The following ACOT9 variants were observed in gnomAD, a reference collection of about 807,000 sequenced individuals.
The protein encoded by ACOT9 is acyl-coenzyme A thioesterase 9, mitochondrial.
In ACOT9, 34 loss-of-function variants were observed where a neutral mutation model predicts 39.7. The ratio of observed to expected loss-of-function variants is 0.86; its 90% confidence interval spans 0.65 to 1.14. The LOEUF is 1.14. Among genes scored for constraint, ACOT9 ranks in the 50% most tolerant of loss-of-function variants. The pLI, the probability that ACOT9 is intolerant of heterozygous loss-of-function variation, is 0.00. For missense variants in ACOT9, 313 were observed against 344.1 expected (o/e 0.91, Z 0.71); for synonymous variants, 110 against 120.5 (o/e 0.91, Z 0.57).
chrX:23,741,309 C>A (rs1920961542), intron 1 of ACOT9, among the ~76,000 whole-genome samples: 1 of 106,040 alleles, frequency 9.4e-6, no homozygotes, highest in Non-Finnish European at 1.9e-5. Context: ...AGCAATTTCT[C>A]TTCTGGACAT....
intron 8 of ACOT9, among the ~76,000 whole-genome samples, chrX:23,713,747 G>C (rs759942581): frequency 5.5e-5 from 6 of 110,081 alleles, no homozygotes; most frequent in Non-Finnish European, 1.1e-4. Context: ...AAGTCCAATC[G>C]GGGGCTGGGC....
chrX:23,740,933 G>C (rs1242496527), intron 1 of ACOT9, among the ~76,000 whole-genome samples: 1 of 109,465 alleles, frequency 9.1e-6, no homozygotes, highest in Non-Finnish European at 1.9e-5. Flanking sequence ...CCAGGACCTT[G>C]TAACTGAACC....
chrX:23,735,089 G>A (rs1343341709), intron 2 of ACOT9, among the ~76,000 whole-genome samples: 1 of 104,868 alleles, frequency 9.5e-6, no homozygotes, highest in Non-Finnish European at 1.9e-5. Flanking sequence ...CCTGGCCAAC[G>A]TGGCGAAACT....
At chrX:23,731,385 G>A (rs766559465) in intron 4 of ACOT9, among the ~76,000 whole-genome samples, 1 of 108,448 alleles carries the variant, frequency 9.2e-6, no homozygotes, top group South Asian at 4.1e-4. Context: ...GCTGAGGCAG[G>A]AGAATTGCTT....
intron 8 of ACOT9, among the ~76,000 whole-genome samples, chrX:23,715,247 T>C (rs1889946540): frequency 8.9e-6 from 1 of 111,889 alleles, no homozygotes; most frequent in African/African-American, 3.2e-5. Flanking sequence ...CCTGCACCTT[T>C]TTCTCTAGCC....
At chrX:23,743,051 C>T in intron 1 of ACOT9, 74 bp downstream of exon 1, 2 of 1,078,879 alleles carry the variant, frequency 1.9e-6, no homozygotes, top group Non-Finnish European at 1.2e-6. Context: ...CCGGGGCCAG[C>T]CCGAAGCTCT....
intron 8 of ACOT9, among the ~76,000 whole-genome samples, chrX:23,716,360 T>C (rs1249791278): frequency 1.8e-5 from 2 of 112,486 alleles, no homozygotes; most frequent in East Asian, 5.6e-4. Flanking sequence ...GGATTTGGAA[T>C]GTTTGCATTC....
intron 6 of ACOT9, among the ~76,000 whole-genome samples, chrX:23,725,644 T>G (rs920026394): frequency 9.5e-6 from 1 of 105,635 alleles, no homozygotes; most frequent in Non-Finnish European, 1.9e-5. Flanking sequence ...ATGGCAGACC[T>G]TGTCTCTACT....
intron 1 of ACOT9, among the ~76,000 whole-genome samples, chrX:23,736,937 G>A (rs1440723474): frequency 8.9e-6 from 1 of 112,267 alleles, no homozygotes; most frequent in Non-Finnish European, 1.9e-5. Context: ...TATTATGTCA[G>A]GGGTAGCACA....
intron 10 of ACOT9, 38 bp from the exon 11 acceptor site, chrX:23,706,777 G>A (rs1273273233): frequency 3.5e-6 from 3 of 861,159 alleles, no homozygotes; most frequent in Non-Finnish European, 5.0e-6. Context: ...GATCAGGACG[G>A]TCGCACTACA....
intron 1 of ACOT9, among the ~76,000 whole-genome samples, chrX:23,742,005 G>C (rs750458829): frequency 9.0e-6 from 1 of 110,696 alleles, no homozygotes; most frequent in East Asian, 2.8e-4. Flanking sequence ...GGAACACAGG[G>C]TTATAAGAGA....
At chrX:23,740,074 T>C (rs745979333) in intron 1 of ACOT9, among the ~76,000 whole-genome samples, 2 of 109,902 alleles carry the variant, frequency 1.8e-5, no homozygotes, top group Non-Finnish European at 3.8e-5. Flanking sequence ...ATCTATATCA[T>C]ACTGTCAACA....
chrX:23,704,282 T>C (rs1045996121), intron 15 of ACOT9, among the ~76,000 whole-genome samples: 11 of 104,331 alleles, frequency 1.1e-4, no homozygotes, highest in Non-Finnish European at 2.1e-4. Flanking sequence ...GCCATTCTCC[T>C]GCCTCAGCCT....
intron 1 of ACOT9, among the ~76,000 whole-genome samples, chrX:23,736,990 G>A (rs1235522439): frequency 1.8e-5 from 2 of 111,358 alleles, no homozygotes; most frequent in Admixed American, 9.7e-5. Context: ...TGAGAGCACA[G>A]TTGAAGAAGG....
chrX:23,706,558 CAAAAAAA>C, intron 11 of ACOT9, 63 bp downstream of exon 11: 25 of 263,655 alleles, frequency 9.5e-5, no homozygotes, highest in East Asian at 2.1e-4. Context: ...AACTCCGTCT[CAAAAAAA>C]AAAAAAAAAA....
At position 23,703,187 on chromosome X, in the gene ACOT9, T is replaced by C. The variant is rs1477579655; in HGVS notation, c.*707A>G. 2.7e-5 allele frequency: 3 copies of C among 111,982 alleles called. No homozygotes were observed. Among genetic ancestry groups the C allele is most frequent in the Non-Finnish European group, 5.6e-5 (3 of 53,257 alleles). 9.2% of individuals were successfully genotyped at this position (111,982 alleles called of 1,213,427 possible). On this transcript the variant is annotated 3_prime_UTR_variant, in exon 16 of 16. Transcript: ENST00000379303. ...GGGAAGCAAAGGAATCATGTACGGC[T>C]GATGGGATTTAGACAGCACAGAGCA...
intron 9 of ACOT9, among the ~76,000 whole-genome samples, chrX:23,711,349 AAG>A (rs1298797781): frequency 8.9e-6 from 1 of 112,249 alleles, no homozygotes; most frequent in Non-Finnish European, 1.9e-5. Flanking sequence ...GAAAAAAAAA[AAG>A]AAATTTAAAA....
At chrX:23,731,369 T>C (rs1929742021) in intron 4 of ACOT9, among the ~76,000 whole-genome samples, 1 of 107,981 alleles carries the variant, frequency 9.3e-6, no homozygotes, top group South Asian at 4.0e-4. Flanking sequence ...CCCAGCTACT[T>C]GGTAGGCTGA....
Position 23,703,692 on chromosome X carries a change from T to A in ACOT9, c.*202A>T. 5 of 348,177 alleles carry A rather than the reference T, an allele frequency of 1.4e-5. No homozygotes were observed. The South Asian group carries it at 1.9e-4, about 13-fold the overall frequency. The allele number at this position is 348,177 out of a possible 1,213,427, so 28.7% of individuals were successfully genotyped here. On this transcript the variant is annotated 3_prime_UTR_variant, in exon 16 of 16. Transcript: ENST00000379303. ...ACAATTAAAATTGTCTTGAAAGTAT[T>A]TATTGTTTAATAATTCTTTCTCCCC...
Sources: gnomAD v4.1 joint callset for allele counts (sites outside exome capture counted in the v4.1 genomes callset) on GRCh38, gnomAD v4.1.1 for gene constraint, MANE v1.5 for transcripts, NCBI Gene and HGNC (gene_info 2026-07-23, HGNC 2026-07-21) for gene names.